The following COL14A1 variants were observed in gnomAD, a reference collection of about 807,000 sequenced individuals.
COL14A1 encodes the protein collagen type XIV alpha 1 chain, also known as collagen alpha-1(XIV) chain.
In COL14A1, 136 loss-of-function variants were observed where a neutral mutation model predicts 230.3. The observed-to-expected ratio is 0.59, with a 90% CI of 0.51 to 0.68. The LOEUF is 0.68. Among genes scored for constraint, COL14A1 ranks in the 30% least tolerant of loss-of-function variants. COL14A1 has a pLI of 0.00. For synonymous variants in COL14A1, 792 were observed against 784.1 expected, an observed-to-expected ratio of 1.01 and a Z score of -0.17; for missense variants, 1,976 against 2,215.8, an observed-to-expected ratio of 0.89 and a Z score of 2.17.
chr8:120,199,761 T>A (rs1299154460), intron 8 of COL14A1, among the ~76,000 whole-genome samples, 195 bp downstream of exon 8: 1 of 151,270 alleles, frequency 6.6e-6, no homozygotes, highest in African/African-American at 2.5e-5. Flanking sequence ...CTAGCTGTCA[T>A]GTATCCCATG....
chr8:120,196,191 A>G (rs1462983381), intron 5 of COL14A1, among the ~76,000 whole-genome samples: 1 of 152,226 alleles, frequency 6.6e-6, no homozygotes, highest in African/African-American at 2.4e-5. Flanking sequence ...CATACACATA[A>G]TATGCAAAAA....
chr8:120,310,384 T>C (rs928722442), intron 37 of COL14A1, among the ~76,000 whole-genome samples: 2 of 152,204 alleles, frequency 1.3e-5, no homozygotes, highest in Non-Finnish European at 2.9e-5. Context: ...AAACGTATCT[T>C]TAGAGGAATC....
At chr8:120,129,186 G>T (rs1426921036) in intron 1 of COL14A1, among the ~76,000 whole-genome samples, 3 of 152,160 alleles carry the variant, frequency 2.0e-5, no homozygotes, top group Non-Finnish European at 4.4e-5. Context: ...TAACTACGGG[G>T]TAGTGTTCAA....
chr8:120,133,230 T>TAAAAAAAAAAAAAA (rs201816439), intron 1 of COL14A1, among the ~76,000 whole-genome samples: 1 of 115,122 alleles, frequency 8.7e-6, no homozygotes, highest in Admixed American at 8.7e-5. Context: ...AAAAAAAAAA[T>TAAAAAAAAAAAAAA]AAAAAAAAAA....
intron 1 of COL14A1, among the ~76,000 whole-genome samples, chr8:120,146,199 G>GTC (rs1815084277): frequency 6.6e-6 from 1 of 152,160 alleles, no homozygotes; most frequent in African/African-American, 2.4e-5. Flanking sequence ...ACTTGGAGTA[G>GTC]TCTTTACATA....
At chr8:120,264,891 C>G (rs1422877785) in intron 24 of COL14A1, among the ~76,000 whole-genome samples, 1 of 152,156 alleles carries the variant, frequency 6.6e-6, no homozygotes, top group Non-Finnish European at 1.5e-5. Context: ...CCCTGATCTA[C>G]TTTAGCTTCT....
chr8:120,153,516 A>G (rs981661538), intron 2 of COL14A1, among the ~76,000 whole-genome samples: 1 of 152,208 alleles, frequency 6.6e-6, no homozygotes, highest in Non-Finnish European at 1.5e-5. Context: ...TTGTTTTTAG[A>G]TTACTTGGAA....
intron 45 of COL14A1, among the ~76,000 whole-genome samples, chr8:120,347,460 CTG>C (rs1438194355): frequency 6.6e-6 from 1 of 152,064 alleles, no homozygotes; most frequent in Non-Finnish European, 1.5e-5. Context: ...TTTGCGATGA[CTG>C]TTATAGGTCA....
At chr8:120,224,717 T>C (rs1452877343) in intron 14 of COL14A1, among the ~76,000 whole-genome samples, 1 of 152,216 alleles carries the variant, frequency 6.6e-6, no homozygotes, top group Admixed American at 6.5e-5. Context: ...ACAACTCTTA[T>C]AGGAGCTATC....
At chr8:120,146,688 A>T (rs980482414) in intron 1 of COL14A1, among the ~76,000 whole-genome samples, 6 of 152,136 alleles carry the variant, frequency 3.9e-5, no homozygotes, top group Non-Finnish European at 7.4e-5. Flanking sequence ...ATTTATCTCA[A>T]ATTAAAATTT....
At chr8:120,259,714 A>G (rs79029535) in intron 23 of COL14A1, among the ~76,000 whole-genome samples, 3,283 of 152,270 alleles carry the variant, frequency 0.022, 56 homozygotes, top group Middle Eastern at 0.11. Context: ...GGGTTTCTAC[A>G]TGAAATAGGA....
chr8:120,208,780 T>C (rs966488508), intron 11 of COL14A1, among the ~76,000 whole-genome samples: 1 of 152,150 alleles, frequency 6.6e-6, no homozygotes, highest in Non-Finnish European at 1.5e-5. Context: ...CATATCATTG[T>C]AGGTAAAACA....
At chr8:120,165,071 G>A (rs1815817500) in intron 4 of COL14A1, among the ~76,000 whole-genome samples, 1 of 152,224 alleles carries the variant, frequency 6.6e-6, no homozygotes, top group Admixed American at 6.5e-5. Context: ...ATGCAAGCGT[G>A]TATGTTTTTA....
rs1273192558 is a variant in COL14A1, at chr8:120,247,789, CT to C, written c.2602+58del. The C allele has an allele frequency of 2.1e-5, 33 of 1,575,046 alleles. No individual in the cohort carries two copies. In the East Asian group the frequency reaches 7.1e-4, roughly 34 times the overall value. On this transcript the variant is annotated intron_variant, in intron 21 of 47. Coordinates refer to ENST00000297848, the MANE Select transcript of COL14A1 (RefSeq NM_021110.4). Reference sequence around the variant, plus strand: ...TACCATGAGTAGTCACTTAAAATGTCTTTTAAGATAAATTGTTTTCTTATAA... The same window carrying C: ...TACCATGAGTAGTCACTTAAAATGTCTTTAAGATAAATTGTTTTCTTATAA...
intron 5 of COL14A1, among the ~76,000 whole-genome samples, chr8:120,176,510 A>G (rs1816286890): frequency 6.6e-6 from 1 of 152,084 alleles, no homozygotes; most frequent in African/African-American, 2.4e-5. Context: ...AAATTTTAAC[A>G]CCTTTCCACT....
intron 13 of COL14A1, among the ~76,000 whole-genome samples, chr8:120,214,225 G>A (rs915780892): frequency 2.0e-5 from 3 of 152,126 alleles, no homozygotes; most frequent in African/African-American, 7.2e-5. Flanking sequence ...AATTTTCTAG[G>A]TTAAATTCTA....
At position 120,250,742 on chromosome 8, in the gene COL14A1, G is replaced by A. The variant is rs781191822; in HGVS notation, c.2728G>A (p.Ala910Thr). Residue 910 changes from alanine to threonine, a missense_variant, in exon 22 of 48, where the codon GCC becomes ACC. Ala to Thr is a moderately conservative substitution (Grantham distance 58). Transcript: ENST00000297848. ...CTCCCAGGCCTCAGGCTTCAGCGAC[G>A]CCCTGACAGGCATGGTGAAAACATG... ...FASQASGFSD[A>T]LTGMVKTLFL... 10 of 1,614,030 alleles carry A rather than the reference G, an allele frequency of 6.2e-6. No homozygotes were observed. Among genetic ancestry groups the A allele is most frequent in the African/African-American group, 2.7e-5 (2 of 74,918 alleles).
chr8:120,345,407 C>T lies in COL14A1; in HGVS notation c.4921C>T (p.Gln1641Ter). 6.3e-7 allele frequency: 1 copy of T among 1,597,332 alleles called. No homozygotes were observed. The highest frequency in any genetic ancestry group is 8.5e-7 in the Non-Finnish European group (1 of 1,173,056). Residue 1641 changes from glutamine to a stop codon, truncating the protein, a stop_gained, in exon 45 of 48, where the codon CAG becomes TAG. Coordinates refer to ENST00000297848, the MANE Select transcript of COL14A1 (RefSeq NM_021110.4). LOFTEE classifies it high-confidence loss of function. ...HMARYTAILN[Q>*]IPSHSSSIRT... ...GGCCAGGTACACTGCCATCCTCAAC[C>T]AGATTCCCAGCCACTCCTCATCCAT...
intron 7 of COL14A1, 132 bp from the exon 8 acceptor site, chr8:120,199,270 C>T (rs1014717848): frequency 5.3e-6 from 4 of 758,686 alleles, no homozygotes; most frequent in Admixed American, 4.1e-5. Flanking sequence ...AACGTTATTA[C>T]AAAAATGAAG....
Sources: allele counts gnomAD v4.1 joint callset (sites outside exome capture counted in the v4.1 genomes callset), GRCh38; gene constraint gnomAD v4.1.1; transcripts MANE v1.5; gene names NCBI Gene and HGNC (gene_info 2026-07-23, HGNC 2026-07-21).